The following SGSM1 variants were observed in gnomAD, a reference collection of about 807,000 sequenced individuals.
SGSM1 encodes the protein small G protein signaling modulator 1, also known as RUN and TBC1 domain containing 2.
A neutral mutation model predicts 133.8 loss-of-function variants in SGSM1; 73 were observed. The ratio of observed to expected loss-of-function variants is 0.55; its 90% confidence interval spans 0.45 to 0.66. The LOEUF (loss-of-function observed/expected upper bound fraction) is 0.66, where lower values mean the gene tolerates loss of function less well. SGSM1 is among the 30% of genes least tolerant of loss of function. SGSM1 has a pLI of 0.00. For missense variants in SGSM1, 1,213 were observed against 1,448.1 expected (o/e 0.84, Z 2.64); for synonymous variants, 563 against 573.0 (o/e 0.98, Z 0.25).
intron 5 of SGSM1, among the ~76,000 whole-genome samples, chr22:24,853,613 CT>C (rs139679): frequency 0.094 from 13,693 of 146,104 alleles, 825 homozygotes; most frequent in African/African-American, 0.18. Context: ...AAAGGCACTT[CT>C]TTTTTTTTTT....
intron 17 of SGSM1, among the ~76,000 whole-genome samples, chr22:24,894,018 C>G (rs1004753152): frequency 6.6e-6 from 1 of 152,200 alleles, no homozygotes; most frequent in East Asian, 1.9e-4. Context: ...CCTGGGATAT[C>G]AGGAATGTTC....
Position 24,818,730 on chromosome 22 carries a change from C to T in SGSM1, c.63+12246C>T, listed in dbSNP as rs116907851. 3.1e-3 allele frequency among the ~76,000 whole-genome samples: 479 copies of T among 152,178 alleles called. 1 individual carries two copies. Among genetic ancestry groups the T allele is most frequent in the Middle Eastern group, 6.8e-3 (2 of 294 alleles). ...TGCCAAAACACTGGGTCTGTAACTC[C>T]CTGCAGAACGGTGTGATACAGAGAT... On this transcript the variant is annotated intron_variant, in intron 2 of 24. Transcript: ENST00000400358.
At chr22:24,873,437 C>T (rs1185079962) in intron 12 of SGSM1, among the ~76,000 whole-genome samples, 1 of 152,012 alleles carries the variant, frequency 6.6e-6, no homozygotes, top group Non-Finnish European at 1.5e-5. Context: ...AATTAATCCC[C>T]AAGGCGTGAA....
chr22:24,877,264 A>G (rs1932069699), intron 13 of SGSM1, among the ~76,000 whole-genome samples: 1 of 152,080 alleles, frequency 6.6e-6, no homozygotes, highest in Non-Finnish European at 1.5e-5. Context: ...CTCAGTTTGC[A>G]CCCCCACACA....
chr22:24,825,068 A>C (rs1928722168), intron 2 of SGSM1, among the ~76,000 whole-genome samples: 1 of 152,152 alleles, frequency 6.6e-6, no homozygotes, highest in South Asian at 2.1e-4. Flanking sequence ...ATCCCAGCTT[A>C]GGGGATGGGG....
chr22:24,831,973 G>A (rs566231478), intron 2 of SGSM1, among the ~76,000 whole-genome samples: 2 of 152,332 alleles, frequency 1.3e-5, no homozygotes, highest in East Asian at 1.9e-4. Flanking sequence ...TTGGCTGGGT[G>A]CATCATTCAT....
intron 2 of SGSM1, among the ~76,000 whole-genome samples, chr22:24,832,075 C>A (rs190872571): frequency 6.4e-4 from 97 of 152,340 alleles, no homozygotes; most frequent in African/African-American, 2.1e-3. Context: ...TTGGGGCAGG[C>A]ACTCCCTCAG....
At position 24,868,813 on chromosome 22, in the gene SGSM1, T is replaced by C; in HGVS notation, c.1249T>C (p.Tyr417His). 1 of 1,614,018 alleles carries C rather than the reference T, an allele frequency of 6.2e-7. No homozygotes were observed. Among genetic ancestry groups the C allele is most frequent in the Non-Finnish European group, 8.5e-7 (1 of 1,179,898 alleles). The change falls in exon 12 of 25, where the codon TAT becomes CAT. Residue 417 changes from tyrosine (Y) to histidine (H), a missense_variant. Coordinates refer to ENST00000400358, the MANE Select transcript of SGSM1 (RefSeq NM_001098497.3). ...SDKDDDEATD[Y>H]VFRIIYPGMQ... ...CAAAGATGATGATGAGGCCACGGAT[T>C]ATGTGTTCAGGATCATCTACCCTGG...
chr22:24,863,108 C>A (rs564127464), intron 9 of SGSM1, among the ~76,000 whole-genome samples: 2 of 152,326 alleles, frequency 1.3e-5, no homozygotes, highest in East Asian at 3.9e-4. Context: ...CGTGTTTCTG[C>A]ATCATCTTTC....
At position 24,876,639 on chromosome 22, in the gene SGSM1, C is replaced by T. The variant is rs200354936; in HGVS notation, c.1354C>T (p.Arg452Trp). ...CCCATCCCTGTGGCAGCCCAGTCCC[C>T]GGAAGTCCTCCTGTTCATCCTGTTC... Reference protein sequence around the residue: ...NLPSLWQPSPRKSSCSSCSQS... With the variant: ...NLPSLWQPSPWKSSCSSCSQS... The change falls in exon 13 of 25, where the codon CGG becomes TGG. Residue 452 changes from arginine to tryptophan, a missense_variant. Coordinates refer to ENST00000400358, the MANE Select transcript of SGSM1 (RefSeq NM_001098497.3). The T allele has an allele frequency of 1.3e-4, 209 of 1,613,988 alleles. No homozygotes were observed. Among genetic ancestry groups the T allele is most frequent in the African/African-American group, 1.3e-4 (10 of 75,028 alleles).
intron 23 of SGSM1, among the ~76,000 whole-genome samples, chr22:24,918,751 G>A (rs1433925832): frequency 6.6e-6 from 1 of 151,016 alleles, no homozygotes; most frequent in Admixed American, 6.6e-5. Context: ...CTTTTTTGGA[G>A]ACGGAGTCTT....
In SGSM1 at chr22:24,921,762, T is replaced by C. The variant is rs185447711; in HGVS notation, c.3193+1769T>C. Among the ~76,000 whole-genome samples, 55 of 151,794 alleles carry C rather than the reference T, an allele frequency of 3.6e-4. No individual in the cohort carries two copies. In the East Asian group the frequency reaches 9.3e-3, roughly 26 times the overall value. Reference sequence around the variant, plus strand: ...TTGCCCAGGCTGGAGTACAATGGCATGATCTCAGCTCACTACAACCTCCGC... The same window carrying C: ...TTGCCCAGGCTGGAGTACAATGGCACGATCTCAGCTCACTACAACCTCCGC... On this transcript the variant is annotated intron_variant, in intron 24 of 24. Coordinates refer to ENST00000400358, the MANE Select transcript of SGSM1 (RefSeq NM_001098497.3).
chr22:24,806,681 G>A (rs893571689), intron 2 of SGSM1, among the ~76,000 whole-genome samples, 197 bp downstream of exon 2: 1 of 152,014 alleles, frequency 6.6e-6, no homozygotes, highest in Non-Finnish European at 1.5e-5. Flanking sequence ...TAGGTGTGGG[G>A]AGGCTTTGGC....
At position 24,884,033 on chromosome 22, in the gene SGSM1, TTCCC is replaced by T; in HGVS notation, c.1496-9_1496-6del. 4 of 1,586,260 alleles carry T rather than the reference TTCCC, an allele frequency of 2.5e-6. No homozygotes were observed. The highest frequency in any genetic ancestry group is 1.7e-5 in the Admixed American group (1 of 58,094). ...GCTTCAGGTGGTGGATGATGACACT[TTCCC>T]TCCCTCCCTCAACAGGGCTGGCCTA... is the stretch of plus-strand genomic sequence containing the variant. On this transcript the variant is annotated splice_polypyrimidine_tract_variant and intron_variant, in intron 14 of 24. Coordinates refer to ENST00000400358, the MANE Select transcript of SGSM1 (RefSeq NM_001098497.3).
At chr22:24,841,634 G>T (rs1355937417) in intron 2 of SGSM1, among the ~76,000 whole-genome samples, 2 of 152,236 alleles carry the variant, frequency 1.3e-5, no homozygotes, top group Non-Finnish European at 1.5e-5. Flanking sequence ...CATTGATTCA[G>T]GGGAGAGGTG....
At chr22:24,808,696 TTTCCTGCGCAGG>T (rs1361234230) in intron 2 of SGSM1, among the ~76,000 whole-genome samples, 1 of 152,136 alleles carries the variant, frequency 6.6e-6, no homozygotes, top group Non-Finnish European at 1.5e-5. Context: ...TCTTCCTCAG[TTTCCTGCGCAGG>T]TTCCTTCTTC....
intron 12 of SGSM1, among the ~76,000 whole-genome samples, chr22:24,872,174 A>G (rs1221478633): frequency 6.6e-6 from 1 of 152,180 alleles, no homozygotes; most frequent in Non-Finnish European, 1.5e-5. Flanking sequence ...TTAAATATAA[A>G]GGATTTCACC....
At chr22:24,867,995 C>T (rs1931549624) in intron 10 of SGSM1, among the ~76,000 whole-genome samples, 2 of 152,272 alleles carry the variant, frequency 1.3e-5, no homozygotes, top group South Asian at 2.1e-4. Context: ...ACACGCTAGC[C>T]AGAGTCAGCT....
chr22:24,923,434 A>G (rs1305208710), intron 24 of SGSM1, among the ~76,000 whole-genome samples: 5 of 152,074 alleles, frequency 3.3e-5, no homozygotes, highest in Non-Finnish European at 7.4e-5. Context: ...GTCTGACCAC[A>G]TTGTGTGGCT....
Sources: allele counts gnomAD v4.1 joint callset (sites outside exome capture counted in the v4.1 genomes callset), GRCh38; gene constraint gnomAD v4.1.1; transcripts MANE v1.5; gene names NCBI Gene and HGNC (gene_info 2026-07-23, HGNC 2026-07-21).